Variants in USP47 observed in about 807,000 individuals in gnomAD.
The protein encoded by USP47 is ubiquitin specific peptidase 47.
Under a neutral mutation model 165.1 loss-of-function variants are expected in USP47, and 35 were observed. The ratio of observed to expected loss-of-function variants is 0.21; its 90% CI spans 0.16 to 0.28. The LOEUF is 0.28. Among genes scored for constraint, USP47 ranks in the 10% least tolerant of loss-of-function variants. USP47 has a pLI of 1.00. For synonymous variants in USP47, 531 were observed against 544.5 expected (o/e 0.98, Z 0.35); for missense variants, 1,277 against 1,607.4 (o/e 0.79, Z 3.52).
intron 2 of USP47, 49 bp downstream of exon 2, chr11:11,880,429 G>T (rs1369393950): frequency 8.1e-7 from 1 of 1,233,778 alleles, no homozygotes; most frequent in Non-Finnish European, 1.0e-6. Flanking sequence ...AGCCATTGTT[G>T]TTGTTGTTAC....
chr11:11,908,087 C>CA (rs71453981), intron 8 of USP47, among the ~76,000 whole-genome samples: 32,506 of 150,460 alleles, frequency 0.22, 4,219 homozygotes, highest in Non-Finnish European at 0.29. Context: ...GACTCTGTCT[C>CA]AAAAAAAACA....
At position 11,957,073 on chromosome 11, in the gene USP47, C is replaced by T. The variant is rs1487815221; in HGVS notation, c.*898C>T. The T allele has an allele frequency of 2.0e-5, 3 of 152,190 alleles. No individual in the cohort carries two copies. Among genetic ancestry groups the T allele is most frequent in the African/African-American group, 7.2e-5 (3 of 41,446 alleles). 9.4% of individuals were successfully genotyped at this position (152,190 alleles called of 1,614,324 possible). A position where few individuals can be genotyped will look rare whatever the true frequency, so the allele number is the denominator to read the frequency against. On this transcript the variant is annotated 3_prime_UTR_variant, in exon 28 of 28. Transcript: ENST00000527733. ...AGTGAGGTTCCTCAGTGCTAGGTCC[C>T]ATAGGATTGTCGTTGCCCTTGTTAA... is the stretch of plus-strand genomic sequence containing the variant.
chr11:11,910,085 A>G (rs1274853070), intron 8 of USP47, among the ~76,000 whole-genome samples: 1 of 152,216 alleles, frequency 6.6e-6, no homozygotes, highest in African/African-American at 2.4e-5. Context: ...CATAGTGGGA[A>G]CAAGTTTAAA....
intron 19 of USP47, among the ~76,000 whole-genome samples, chr11:11,941,419 C>T (rs778827265): frequency 1.3e-4 from 19 of 151,904 alleles, no homozygotes; most frequent in Non-Finnish European, 2.6e-4. Context: ...ATAGTGTTAT[C>T]CTTTTATGCA....
chr11:11,921,836 A>C (rs1233593340), intron 10 of USP47, among the ~76,000 whole-genome samples: 2 of 151,916 alleles, frequency 1.3e-5, no homozygotes. Flanking sequence ...TTCAGGAATT[A>C]TATCTCTTTG....
Position 11,956,284 on chromosome 11 carries a change from A to G in USP47, c.*109A>G, listed in dbSNP as rs1419147250. 1 of 1,200,046 alleles carries G rather than the reference A, an allele frequency of 8.3e-7. No individual in the cohort carries two copies. The highest frequency in any genetic ancestry group is 1.2e-6 in the Non-Finnish European group (1 of 840,282). The allele number at this position is 1,200,046 out of a possible 1,614,324, so 74.3% of individuals were successfully genotyped here. Reference sequence around the variant, plus strand: ...GACATGGTTGGGGTAACCCAGTGACACCAGCACTGATTGGACTGCCCTACA... The same window carrying G: ...GACATGGTTGGGGTAACCCAGTGACGCCAGCACTGATTGGACTGCCCTACA... On this transcript the variant is annotated 3_prime_UTR_variant, in exon 28 of 28. Coordinates refer to ENST00000527733, the MANE Select transcript of USP47 (RefSeq NM_001282659.2).
intron 23 of USP47, 105 bp from the exon 24 acceptor site, chr11:11,950,259 T>C (rs1773974437): frequency 2.5e-6 from 2 of 811,472 alleles, no homozygotes; most frequent in East Asian, 5.4e-5. Flanking sequence ...TATTTGACTT[T>C]TGTATTTGAA....
intron 12 of USP47, 33 bp downstream of exon 12, chr11:11,929,598 A>C (rs946948456): frequency 6.2e-7 from 1 of 1,605,274 alleles, no homozygotes; most frequent in African/African-American, 1.3e-5. Context: ...TATTACTCTG[A>C]AAGGTGGGAG....
chr11:11,894,613 T>C (rs563263223), intron 4 of USP47, among the ~76,000 whole-genome samples: 1 of 152,192 alleles, frequency 6.6e-6, no homozygotes, highest in Non-Finnish European at 1.5e-5. Context: ...GAGTTCCAGA[T>C]TTAACAAATC....
At chr11:11,917,631 AAG>A (rs1333061138) in intron 8 of USP47, among the ~76,000 whole-genome samples, 1 of 140,280 alleles carries the variant, frequency 7.1e-6, no homozygotes, top group South Asian at 2.8e-4. Flanking sequence ...AAGCTTAAGA[AAG>A]AGTAAACAGG....
In USP47 at chr11:11,930,009, G is replaced by A. The variant is rs770853778; in HGVS notation, c.1519-35G>A. On this transcript the variant is annotated intron_variant, in intron 12 of 27. Transcript: ENST00000527733. Reference sequence around the variant, plus strand: ...TTGACGTTAATGTGATAGTGTTATAGAATTTGCAAAAAAAATCATGTAACA... The same window carrying A: ...TTGACGTTAATGTGATAGTGTTATAAAATTTGCAAAAAAAATCATGTAACA... The A allele has an allele frequency of 3.1e-5, 48 of 1,569,302 alleles. No homozygotes were observed. In the East Asian group the frequency reaches 1.1e-3, roughly 35 times the overall value.
Position 11,960,559 on chromosome 11 carries a change from G to C in USP47, c.*4384G>C, listed in dbSNP as rs1564901520. 6.6e-6 allele frequency among the ~76,000 whole-genome samples: 1 copy of C among 152,172 alleles called. No homozygotes were observed. The highest frequency in any genetic ancestry group is 1.5e-5 in the Non-Finnish European group (1 of 68,024). On this transcript the variant is annotated 3_prime_UTR_variant, in exon 28 of 28. Coordinates refer to ENST00000527733, the MANE Select transcript of USP47 (RefSeq NM_001282659.2). ...GTGTCTCAAAAAGTTCCCCTCAGAA[G>C]TTTCAGCCAAGGGAATAAAATCTAA...
At chr11:11,860,146 T>TATTC (rs1036767226) in intron 1 of USP47, among the ~76,000 whole-genome samples, 16 of 148,844 alleles carry the variant, frequency 1.1e-4, no homozygotes, top group Non-Finnish European at 2.2e-4. Context: ...TTTCTTATTT[T>TATTC]ATTTATTTAT....
chr11:11,877,841 G>A, intron 1 of USP47, among the ~76,000 whole-genome samples: 1 of 94,606 alleles, frequency 1.1e-5, no homozygotes, highest in Non-Finnish European at 2.1e-5. Context: ...GTGTGTGTGT[G>A]TGTGTGTGTG....
At chr11:11,872,084 C>T (rs1850105836) in intron 1 of USP47, among the ~76,000 whole-genome samples, 1 of 152,164 alleles carries the variant, frequency 6.6e-6, no homozygotes, top group Non-Finnish European at 1.5e-5. Context: ...TAAGGTTAGG[C>T]TGAAACAGCT....
intron 1 of USP47, among the ~76,000 whole-genome samples, chr11:11,878,239 A>G (rs1382814328): frequency 6.6e-6 from 1 of 152,224 alleles, no homozygotes; most frequent in East Asian, 1.9e-4. Flanking sequence ...TATGATTACT[A>G]TTACAGCACT....
At position 11,948,098 on chromosome 11, in the gene USP47, C is replaced by G; in HGVS notation, c.3245C>G (p.Ser1082Ter). 6.2e-7 allele frequency: 1 copy of G among 1,610,728 alleles called. No individual in the cohort carries two copies. The highest frequency in any genetic ancestry group is 8.5e-7 in the Non-Finnish European group (1 of 1,179,002). ...FESVRLNETL[S>*]SFSDDNKITI... ...AGCGTCCGGCTGAATGAGACACTTT[C>G]ATCATTTTCTGATGACAATAAGGTT... is the stretch of plus-strand genomic sequence containing the variant. Residue 1082 changes from serine to a stop codon, truncating the protein, a stop_gained, in exon 21 of 28, where the codon TCA becomes TGA. Transcript: ENST00000527733. LOFTEE classifies it high-confidence loss of function.
At chr11:11,891,923 G>A in intron 3 of USP47, 45 bp from the exon 4 acceptor site, 1 of 1,581,372 alleles carries the variant, frequency 6.3e-7, no homozygotes, top group Non-Finnish European at 8.6e-7. Context: ...TGTTGTTTCA[G>A]CAACATTTGC....
chr11:11,950,435 ATAT>A lies in USP47; in HGVS notation c.3539_3541del (p.Ile1180del). ...TTGGATTATCATATTTATGAAGAAG[ATAT>A]TAATATTTCCAGCAACTGGGAGGTT... On this transcript the variant is annotated inframe_deletion, in exon 24 of 28. Transcript: ENST00000527733. 6.2e-7 allele frequency: 1 copy of A among 1,606,514 alleles called. No homozygotes were observed. Among genetic ancestry groups the A allele is most frequent in the Non-Finnish European group, 8.5e-7 (1 of 1,177,776 alleles).
Sources: gnomAD v4.1 joint callset for allele counts (sites outside exome capture counted in the v4.1 genomes callset) on GRCh38, gnomAD v4.1.1 for gene constraint, MANE v1.5 for transcripts, NCBI Gene and HGNC (gene_info 2026-07-23, HGNC 2026-07-21) for gene names.